IRAK1BP1: variants seen among roughly 807,000 people sequenced by gnomAD.
IRAK1BP1 encodes the protein interleukin-1 receptor-associated kinase 1-binding protein 1.
A neutral mutation model predicts 28.0 loss-of-function variants in IRAK1BP1; 24 were observed. The ratio of observed to expected loss-of-function variants is 0.86; its 90% CI spans 0.62 to 1.20. The LOEUF (loss-of-function observed/expected upper bound fraction) is 1.20, where lower values mean the gene tolerates loss of function less well. Ranked by LOEUF, IRAK1BP1 falls within the 50% of genes most tolerant of loss-of-function variation. IRAK1BP1 has a pLI of 0.00. For missense variants in IRAK1BP1, 336 were observed against 316.7 expected, an observed-to-expected ratio of 1.06 and a Z score of -0.46; for synonymous variants, 131 against 116.3, an observed-to-expected ratio of 1.13 and a Z score of -0.81.
chr6:78,953,163 A>T, the IRAK1BP1 span, among the ~76,000 whole-genome samples: 4 of 151,964 alleles, frequency 2.6e-5, no homozygotes, highest in East Asian at 7.7e-4. Context: ...GTTTAGGAAA[A>T]TTTCTCCTCT....
chr6:78,938,530 G>A (rs1773354475), intron 4 of IRAK1BP1: 1 of 151,368 alleles, frequency 6.6e-6, no homozygotes, highest in Non-Finnish European at 1.5e-5. Context: ...CAAATAGATT[G>A]CCTTCAAAAG....
the IRAK1BP1 span, chr6:78,966,006 C>T: frequency 1.9e-6 from 3 of 1,613,796 alleles, no homozygotes; most frequent in Non-Finnish European, 2.5e-6. Flanking sequence ...TCCTGGCTTT[C>T]GATTGTTCCA....
chr6:78,952,171 G>T, the IRAK1BP1 span, among the ~76,000 whole-genome samples: 2 of 152,094 alleles, frequency 1.3e-5, no homozygotes, highest in African/African-American at 4.8e-5. Context: ...TGTAATCCCA[G>T]CACTTTGGGG....
chr6:78,925,155 A>T (rs1772851540), intron 4 of IRAK1BP1, among the ~76,000 whole-genome samples: 1 of 141,908 alleles, frequency 7.0e-6, no homozygotes, highest in African/African-American at 2.6e-5. Flanking sequence ...AACATCACAC[A>T]CCGGGGCCTG....
chr6:78,966,748 T>C, the IRAK1BP1 span, among the ~76,000 whole-genome samples: 1 of 152,246 alleles, frequency 6.6e-6, no homozygotes, highest in Non-Finnish European at 1.5e-5. Context: ...AATATTCTCA[T>C]GTTCCTTCTG....
chr6:78,963,162 C>T, the IRAK1BP1 span: 1 of 1,610,950 alleles, frequency 6.2e-7, no homozygotes, highest in Non-Finnish European at 8.5e-7. Context: ...GGGATTGGTA[C>T]CCCATTCTCC....
intron 1 of IRAK1BP1, among the ~76,000 whole-genome samples, chr6:78,879,361 T>A (rs184132459): frequency 9.2e-4 from 140 of 152,202 alleles, no homozygotes; most frequent in African/African-American, 3.2e-3. Flanking sequence ...ATAAAAATTT[T>A]AAAAAAATAA....
intron 4 of IRAK1BP1, among the ~76,000 whole-genome samples, chr6:78,932,910 T>C (rs1312836845): frequency 6.6e-6 from 1 of 152,160 alleles, no homozygotes; most frequent in Non-Finnish European, 1.5e-5. Context: ...TTTATTTTTT[T>C]ATTTTTTTTC....
At chr6:78,975,572 G>A in the IRAK1BP1 span, among the ~76,000 whole-genome samples, 1 of 152,168 alleles carries the variant, frequency 6.6e-6, no homozygotes, top group Non-Finnish European at 1.5e-5. Context: ...TAGGAAAAGA[G>A]GAAGTCAAAT....
In IRAK1BP1 at chr6:78,892,797, GATT is replaced by G. The variant is rs780292447; in HGVS notation, c.382-5030_382-5028del. Among the ~76,000 whole-genome samples, 5 of 152,050 alleles carry G rather than the reference GATT, an allele frequency of 3.3e-5. No individual in the cohort carries two copies. In the East Asian group the frequency reaches 7.7e-4, roughly 23 times the overall value. Reference sequence around the variant, plus strand: ...ATGAGATAATAAATACACTGAATAGGATTAACAGCAAATTAGACCTTACACAAG... The same window carrying G: ...ATGAGATAATAAATACACTGAATAGGAACAGCAAATTAGACCTTACACAAG... On this transcript the variant is annotated intron_variant, in intron 2 of 3. Transcript: ENST00000369940.
At chr6:78,953,391 T>C in the IRAK1BP1 span, among the ~76,000 whole-genome samples, 96 of 152,308 alleles carry the variant, frequency 6.3e-4, 1 homozygote, top group South Asian at 8.1e-3. Context: ...TATCTCTTCT[T>C]TTCTGTGCAA....
intron 4 of IRAK1BP1, among the ~76,000 whole-genome samples, chr6:78,927,165 A>C (rs1056328064): frequency 6.6e-6 from 1 of 152,052 alleles, no homozygotes; most frequent in Non-Finnish European, 1.5e-5. Context: ...ATTCCCACCA[A>C]CAGTGTATGT....
the IRAK1BP1 span, among the ~76,000 whole-genome samples, chr6:78,961,486 C>T: frequency 5.3e-5 from 8 of 152,060 alleles, no homozygotes; most frequent in Admixed American, 4.6e-4. Context: ...CCAGCAGCAT[C>T]GACATTACTG....
intron 2 of IRAK1BP1, among the ~76,000 whole-genome samples, chr6:78,894,633 C>T (rs1419554415): frequency 6.6e-6 from 1 of 151,982 alleles, no homozygotes; most frequent in Non-Finnish European, 1.5e-5. Context: ...TTTCAATACC[C>T]CCCTTTTCAG....
chr6:78,971,063 A>G, the IRAK1BP1 span, among the ~76,000 whole-genome samples: 1 of 152,156 alleles, frequency 6.6e-6, no homozygotes, highest in Non-Finnish European at 1.5e-5. Context: ...AATCATAACC[A>G]AAGTGTTCTA....
chr6:78,978,731 A>G, the IRAK1BP1 span: 7 of 1,578,514 alleles, frequency 4.4e-6, no homozygotes, highest in Non-Finnish European at 6.1e-6. Context: ...TTTAAGTAAT[A>G]ATTGTTAAGT....
At chr6:78,950,079 A>G (rs2127685971), downstream of IRAK1BP1, among the ~76,000 whole-genome samples, 1 of 152,250 alleles carries the variant, frequency 6.6e-6, no homozygotes, top group Non-Finnish European at 1.5e-5. Context: ...CAAAATACAC[A>G]TTCACAGAAC....
intron 2 of IRAK1BP1, 44 bp from the exon 3 acceptor site, chr6:78,897,785 A>G (rs1366082125): frequency 1.9e-6 from 3 of 1,561,304 alleles, no homozygotes; most frequent in Admixed American, 1.8e-5. Context: ...ATCTTGAAAC[A>G]GTACATCAGA....
chr6:78,958,437 T>C, the IRAK1BP1 span: 1 of 1,239,564 alleles, frequency 8.1e-7, no homozygotes, highest in Non-Finnish European at 1.2e-6. Context: ...CCATTAATTA[T>C]TAAAACTATC....
Sources: gnomAD v4.1 joint callset for allele counts (sites outside exome capture counted in the v4.1 genomes callset) on GRCh38, gnomAD v4.1.1 for gene constraint, MANE v1.5 for transcripts, NCBI Gene and HGNC (gene_info 2026-07-23, HGNC 2026-07-21) for gene names.